Variants in COA7 observed in about 807,000 individuals in gnomAD.
The protein encoded by COA7 is Sel1 repeat containing 1.
COA7 carries 12 observed loss-of-function variants against 21.0 expected under a neutral mutation model. The observed-to-expected ratio is 0.57, with a 90% CI of 0.37 to 0.92. The LOEUF is 0.92. COA7 is among the 40% of genes least tolerant of loss of function. COA7 has a pLI of 0.01. For missense variants in COA7, 240 were observed against 286.1 expected, an observed-to-expected ratio of 0.84 and a Z score of 1.16; for synonymous variants, 95 against 107.4, an observed-to-expected ratio of 0.88 and a Z score of 0.72.
chr1:52,688,769 G>A (rs182823073), intron 2 of COA7, among the ~76,000 whole-genome samples: 24 of 152,262 alleles, frequency 1.6e-4, no homozygotes, highest in Admixed American at 6.5e-4. Context: ...TTTCTCAGCC[G>A]TAGAATCTTT....
intron 2 of COA7, among the ~76,000 whole-genome samples, chr1:52,690,477 A>T (rs1644037495): frequency 6.6e-6 from 1 of 151,904 alleles, no homozygotes; most frequent in Non-Finnish European, 1.5e-5. Flanking sequence ...ACTTGTAAGT[A>T]AAAAATTTAA....
chr1:52,692,590 A>C, intron 2 of COA7, 137 bp downstream of exon 2: 2 of 973,592 alleles, frequency 2.1e-6, no homozygotes, highest in East Asian at 2.5e-5. Context: ...ACTCTGCTGA[A>C]CTCCTACCTC....
chr1:52,690,621 G>GA (rs1463018943), intron 2 of COA7, among the ~76,000 whole-genome samples: 1 of 151,932 alleles, frequency 6.6e-6, no homozygotes, highest in Non-Finnish European at 1.5e-5. Flanking sequence ...CAAGAGTTTA[G>GA]AAAAAATATT....
chr1:52,694,461 GAAA>G (rs59226724), intron 1 of COA7, among the ~76,000 whole-genome samples: 2 of 64,994 alleles, frequency 3.1e-5, no homozygotes, highest in Non-Finnish European at 3.1e-5. Flanking sequence ...ACTCCATCTC[GAAA>G]AAAAAAAAAA....
intron 2 of COA7, among the ~76,000 whole-genome samples, chr1:52,691,925 C>T (rs1558103528): frequency 6.6e-6 from 1 of 152,154 alleles, no homozygotes; most frequent in African/African-American, 2.4e-5. Context: ...TCATAGAAGA[C>T]ACTGTGGATT....
rs111409814 is a variant in COA7, at chr1:52,695,298, A to G, written c.107-2431T>C. Among the ~76,000 whole-genome samples, 251 of 45,624 alleles carry G rather than the reference A, an allele frequency of 5.5e-3. 2 individuals are homozygous for G. The highest frequency in any genetic ancestry group is 0.018 in the African/African-American group (237 of 13,214). 29.9% of individuals were successfully genotyped at this position (45,624 alleles called of 152,430 possible). On this transcript the variant is annotated intron_variant, in intron 1 of 2. Coordinates refer to ENST00000371538, the MANE Select transcript of COA7 (RefSeq NM_023077.3). ...AACAGAGCAAGACTCAGCCTCAGGGAAAAAAAAAAAAAAAAAAAAAGCCAG... is the reference window on the plus strand; with the variant it reads ...AACAGAGCAAGACTCAGCCTCAGGGGAAAAAAAAAAAAAAAAAAAAGCCAG...
At position 52,687,750 on chromosome 1, in the gene COA7, C is replaced by T. The variant is rs770255808; in HGVS notation, c.666G>A (p.Gln222=). The T allele has an allele frequency of 1.9e-6, 3 of 1,614,250 alleles. No homozygotes were observed. Among genetic ancestry groups the T allele is most frequent in the Non-Finnish European group, 2.5e-6 (3 of 1,180,046 alleles). The change falls in exon 3 of 3, where the codon CAG becomes CAA. Residue 222 remains glutamine (Q), a synonymous_variant. Coordinates refer to ENST00000371538, the MANE Select transcript of COA7 (RefSeq NM_023077.3). ...CAAATGTTAAGGGTTGGACACCTTT[C>T]TGCTGTTCTTTGTGTAGCTGCTGGG... The part of the protein sequence containing the change: ...NRAQQLHKEQ[Q]KGVQPLTFG
Position 52,687,920 on chromosome 1 carries a change from T to G in COA7, c.496A>C (p.Lys166Gln). 1 of 1,614,218 alleles carries G rather than the reference T, an allele frequency of 6.2e-7. No individual in the cohort carries two copies. ...MFLQGAPGFP[K>Q]DMDLACKYSM... is the part of the protein sequence containing the mutation. ...TATTTACATGCCAGGTCCATGTCCT[T>G]GGGAAAGCCTGGGGCACCCTGCAGG... Residue 166 changes from lysine to glutamine, a missense_variant, in exon 3 of 3, where the codon AAG (lysine) becomes CAG (glutamine). Physicochemically the swap from Lys to Gln is moderately conservative, Grantham distance 53. This residue lies in a region of COA7 where 163 missense variants were observed against 214.1 expected (regional missense o/e 0.76). Coordinates refer to ENST00000371538, the MANE Select transcript of COA7 (RefSeq NM_023077.3).
At chr1:52,694,646 G>A (rs984332375) in intron 1 of COA7, among the ~76,000 whole-genome samples, 5 of 152,062 alleles carry the variant, frequency 3.3e-5, no homozygotes, top group Non-Finnish European at 7.3e-5. Flanking sequence ...CACTGGGGAG[G>A]GGCTCACCAA....
intron 2 of COA7, among the ~76,000 whole-genome samples, chr1:52,691,102 C>T (rs114869705): frequency 0.014 from 2,072 of 151,350 alleles, 45 homozygotes; most frequent in African/African-American, 0.048. Context: ...GACCCTGTCT[C>T]GGGACCCTGT....
At chr1:52,691,356 G>A (rs986743395) in intron 2 of COA7, among the ~76,000 whole-genome samples, 1 of 151,062 alleles carries the variant, frequency 6.6e-6, no homozygotes, top group Non-Finnish European at 1.5e-5. Flanking sequence ...CAAGGCTGCA[G>A]TGAGTTATGA....
chr1:52,688,631 G>A (rs1294510246), intron 2 of COA7, among the ~76,000 whole-genome samples: 1 of 152,120 alleles, frequency 6.6e-6, no homozygotes, highest in Admixed American at 6.6e-5. Context: ...ATGATTGCTT[G>A]AGGCCAGGAA....
Position 52,686,704 on chromosome 1 carries a change from A to G in COA7, c.*1016T>C, listed in dbSNP as rs367716826. On this transcript the variant is annotated 3_prime_UTR_variant, in exon 3 of 3. Transcript: ENST00000371538. ...ATCTCGTGATCCACCCGCCTTGGCC[A>G]CCCAAAGTGCTGGGGTTACAGGCGT... The G allele has an allele frequency of 6.6e-6, 1 of 152,182 alleles. No homozygotes were observed. The allele number at this position is 152,182 out of a possible 1,614,324, so 9.4% of individuals were successfully genotyped here. A position where few individuals can be genotyped will look rare whatever the true frequency, so the allele number is the denominator to read the frequency against.
At chr1:52,691,965 C>T (rs1291970441) in intron 2 of COA7, among the ~76,000 whole-genome samples, 1 of 152,218 alleles carries the variant, frequency 6.6e-6, no homozygotes, top group African/African-American at 2.4e-5. Context: ...AAATTACTCA[C>T]TCTGGGGGAA....
At chr1:52,696,666 T>C (rs1016120587) in intron 1 of COA7, among the ~76,000 whole-genome samples, 2 of 145,792 alleles carry the variant, frequency 1.4e-5, no homozygotes, top group Non-Finnish European at 3.0e-5. Context: ...TTTTCTTTTC[T>C]TTTTTTTTTT....
chr1:52,695,219 G>A (rs1045535828), intron 1 of COA7, among the ~76,000 whole-genome samples: 2 of 151,468 alleles, frequency 1.3e-5, no homozygotes, highest in African/African-American at 2.4e-5. Context: ...ACTTGAACCC[G>A]GGAGGCAGAG....
chr1:52,692,918 A>G, intron 1 of COA7, 51 bp from the exon 2 acceptor site: 1 of 1,608,136 alleles, frequency 6.2e-7, no homozygotes, highest in Non-Finnish European at 8.5e-7. Flanking sequence ...TGCTGCTCGC[A>G]GTGGGGACTT....
At chr1:52,694,477 A>G (rs1054395027) in intron 1 of COA7, among the ~76,000 whole-genome samples, 3 of 151,624 alleles carry the variant, frequency 2.0e-5, no homozygotes, top group African/African-American at 7.3e-5. Context: ...AAAAAAAAAA[A>G]AAAAGCCCAG....
rs752277018 is a variant in COA7 at position 52,692,871 on chromosome 1, C to T, written c.107-4G>A. 8 of 1,614,042 alleles carry T rather than the reference C, an allele frequency of 5.0e-6. No individual in the cohort carries two copies. Among genetic ancestry groups the T allele is most frequent in the East Asian group, 2.2e-5 (1 of 44,882 alleles). On this transcript the variant is annotated splice_polypyrimidine_tract_variant and splice_region_variant and intron_variant, in intron 1 of 2. Transcript: ENST00000371538. The stretch of plus-strand genomic sequence containing the variant: ...TAGTCCACCAGCCGATAGCAACCTG[C>T]GAGAAGAGGGCAAGGGTTGTTCTTC...
Sources: gnomAD v4.1 joint callset for allele counts (sites outside exome capture counted in the v4.1 genomes callset) on GRCh38, gnomAD v4.1.1 for gene constraint, gnomAD v4.1.1 regional missense constraint, MANE v1.5 for transcripts, NCBI Gene and HGNC (gene_info 2026-07-23, HGNC 2026-07-21) for gene names.